Variants in NTM observed in about 807,000 individuals in gnomAD.
The protein encoded by NTM is neurotrimin, also known as IgLON family member 2.
In NTM, 13 loss-of-function variants were observed where a neutral mutation model predicts 42.1. The ratio of observed to expected loss-of-function variants is 0.31; its 90% confidence interval spans 0.20 to 0.49. The LOEUF (loss-of-function observed/expected upper bound fraction) is 0.49. Ranked by LOEUF, NTM falls within the 20% of genes least tolerant of loss-of-function variation. NTM has a pLI of 0.99. For missense variants in NTM, 373 were observed against 452.8 expected, an observed-to-expected ratio of 0.82 and a Z score of 1.60; for synonymous variants, 187 against 179.2, an observed-to-expected ratio of 1.04 and a Z score of -0.35.
chr11:132,044,864 G>T (rs1285322770), intron 2 of NTM, among the ~76,000 whole-genome samples: 2 of 151,976 alleles, frequency 1.3e-5, no homozygotes, highest in African/African-American at 4.8e-5. Flanking sequence ...CCAATAACGA[G>T]TTCTGAAATT....
In NTM at chr11:132,047,731, C is replaced by T. The variant is rs199687658; in HGVS notation, c.168-98551C>T. Among the ~76,000 whole-genome samples the T allele has an allele frequency of 2.6e-5, 4 of 152,200 alleles. No homozygotes were observed. The East Asian group carries it at 7.7e-4, about 29-fold the overall frequency. On this transcript the variant is annotated intron_variant, in intron 2 of 8. Transcript: ENST00000683400. ...CTCCACAGGCCTCCTTCCTCTTAGG[C>T]CCCACTGTTTTTCCACATAACTTTT...
chr11:131,835,943 A>G (rs971696466), intron 1 of NTM, among the ~76,000 whole-genome samples: 1 of 152,194 alleles, frequency 6.6e-6, no homozygotes, highest in Non-Finnish European at 1.5e-5. Context: ...GAGCAAAAGA[A>G]GTCAGACACT....
Position 131,767,304 on chromosome 11 carries a change from C to G in NTM, c.83-144260C>G, listed in dbSNP as rs550694219. Reference sequence around the variant, plus strand: ...CAGGCACAGTGGCTCATGCCTGGAACCCCAGCAGCTTGGGAGGCTGAGGCA... The same window carrying G: ...CAGGCACAGTGGCTCATGCCTGGAAGCCCAGCAGCTTGGGAGGCTGAGGCA... On this transcript the variant is annotated intron_variant, in intron 1 of 8. Coordinates refer to ENST00000683400, the MANE Select transcript of NTM (RefSeq NM_001352005.2). The G allele has an allele frequency of 9.9e-4, 175 of 176,656 alleles. 1 individual carries two copies. Among genetic ancestry groups the G allele is most frequent in the African/African-American group, 3.1e-3 (130 of 42,002 alleles). 10.9% of individuals were successfully genotyped at this position (176,656 alleles called of 1,614,324 possible). A position where few individuals can be genotyped will look rare whatever the true frequency, so the allele number is the denominator to read the frequency against.
chr11:131,946,215 G>C (rs995547111), intron 2 of NTM, among the ~76,000 whole-genome samples: 2 of 148,336 alleles, frequency 1.3e-5, no homozygotes, highest in South Asian at 2.1e-4. Flanking sequence ...GGGGAGACGT[G>C]GGGGAATGGA....
Position 132,212,191 on chromosome 11 carries a change from G to A in NTM, c.526+44G>A, listed in dbSNP as rs77553536. ...GCATTGCATCATGAGGATAAATGGG[G>A]GAATTTTGGGCCTTTGGTAGGAGGT... On this transcript the variant is annotated intron_variant, in intron 4 of 8. Transcript: ENST00000683400. 1,488 of 1,565,516 alleles carry A rather than the reference G, an allele frequency of 9.5e-4. 12 individuals are homozygous for A. In the African/African-American group the frequency reaches 0.017, roughly 18 times the overall value.
intron 1 of NTM, among the ~76,000 whole-genome samples, chr11:131,673,780 C>G (rs1362720696): frequency 6.6e-6 from 1 of 152,190 alleles, no homozygotes; most frequent in Non-Finnish European, 1.5e-5. Flanking sequence ...CTTCCTGAGG[C>G]TGGAGAACAG....
chr11:132,159,613 A>G (rs1322128746), intron 3 of NTM, among the ~76,000 whole-genome samples: 1 of 152,184 alleles, frequency 6.6e-6, no homozygotes, highest in African/African-American at 2.4e-5. Flanking sequence ...GAAAGCAGAA[A>G]GGAGAACAGG....
chr11:132,108,428 A>G lies in NTM; in HGVS notation c.168-37854A>G, dbSNP rs74937964. Among the ~76,000 whole-genome samples the G allele has an allele frequency of 1.8e-3, 277 of 152,314 alleles. 1 individual carries two copies. The highest frequency in any genetic ancestry group is 6.5e-3 in the African/African-American group (270 of 41,568). ...GCCATTATTTTAAGTGAAGTAACTC[A>G]GGAGCGGAAAAACAGACATCATATG... On this transcript the variant is annotated intron_variant, in intron 2 of 8. Coordinates refer to ENST00000683400, the MANE Select transcript of NTM (RefSeq NM_001352005.2).
chr11:132,169,620 C>A (rs112747271), intron 3 of NTM, among the ~76,000 whole-genome samples: 41 of 152,064 alleles, frequency 2.7e-4, no homozygotes, highest in African/African-American at 9.2e-4. Flanking sequence ...AGGCGTGAAC[C>A]ACTGTGCCGG....
At chr11:132,256,819 AGT>A (rs1481569365) in intron 4 of NTM, among the ~76,000 whole-genome samples, 1 of 152,132 alleles carries the variant, frequency 6.6e-6, no homozygotes, top group African/African-American at 2.4e-5. Flanking sequence ...GCCGCAGGAG[AGT>A]GGGCCTGCCG....
At chr11:131,789,486 AG>A (rs2090063917) in intron 1 of NTM, among the ~76,000 whole-genome samples, 1 of 10,084 alleles carries the variant, frequency 9.9e-5, no homozygotes, top group Non-Finnish European at 2.1e-4. Context: ...AAGAAGAAGA[AG>A]AAGAGGAAAG....
At chr11:132,072,925 T>G (rs532342766) in intron 2 of NTM, among the ~76,000 whole-genome samples, 1 of 152,262 alleles carries the variant, frequency 6.6e-6, no homozygotes, top group Middle Eastern at 3.4e-3. Context: ...GAGAATAAGC[T>G]TTTGACAAAC....
At chr11:132,011,929 T>C (rs990334081) in intron 2 of NTM, among the ~76,000 whole-genome samples, 1 of 152,216 alleles carries the variant, frequency 6.6e-6, no homozygotes, top group African/African-American at 2.4e-5. Context: ...AAGTAATTGT[T>C]CTTTTATTGC....
At chr11:132,032,688 G>A (rs2076075010) in intron 2 of NTM, among the ~76,000 whole-genome samples, 1 of 152,240 alleles carries the variant, frequency 6.6e-6, no homozygotes, top group Non-Finnish European at 1.5e-5. Flanking sequence ...AGTCCTCCAA[G>A]TCACCCCTTC....
chr11:131,816,422 T>C (rs2092953423), intron 1 of NTM, among the ~76,000 whole-genome samples: 1 of 152,112 alleles, frequency 6.6e-6, no homozygotes, highest in African/African-American at 2.4e-5. Flanking sequence ...ATATTTTTAC[T>C]AAATCTGGGG....
chr11:132,143,547 G>A (rs2069645271), intron 2 of NTM, among the ~76,000 whole-genome samples: 1 of 152,130 alleles, frequency 6.6e-6, no homozygotes, highest in African/African-American at 2.4e-5. Context: ...AGCTAATTTT[G>A]TCTGTAAATT....
At chr11:131,724,223 CCTT>C (rs1176860234) in intron 1 of NTM, among the ~76,000 whole-genome samples, 2 of 152,268 alleles carry the variant, frequency 1.3e-5, no homozygotes, top group East Asian at 3.9e-4. Flanking sequence ...GCACCCCTCA[CCTT>C]CTCTGCTTGT....
chr11:132,076,450 A>T (rs1381270741), intron 2 of NTM, among the ~76,000 whole-genome samples: 1 of 152,228 alleles, frequency 6.6e-6, no homozygotes, highest in Non-Finnish European at 1.5e-5. Context: ...AACTATGGAG[A>T]AGGCATGGTT....
At chr11:131,814,105 G>A (rs1190308024) in intron 1 of NTM, among the ~76,000 whole-genome samples, 1 of 152,126 alleles carries the variant, frequency 6.6e-6, no homozygotes, top group African/African-American at 2.4e-5. Flanking sequence ...GTACTTCCCA[G>A]AGAGCTTAAT....
Sources: gnomAD v4.1 joint callset for allele counts (sites outside exome capture counted in the v4.1 genomes callset) on GRCh38, gnomAD v4.1.1 for gene constraint, MANE v1.5 for transcripts, NCBI Gene and HGNC (gene_info 2026-07-23, HGNC 2026-07-21) for gene names.